The following TFCP2L1 variants were observed in gnomAD, a reference collection of about 807,000 sequenced individuals.
The protein encoded by TFCP2L1 is transcription factor CP2 like 1, also known as transcription factor CP2-like protein 1.
Under a neutral mutation model 72.2 loss-of-function variants are expected in TFCP2L1, and 12 were observed. The ratio of observed to expected loss-of-function variants is 0.17; its 90% CI spans 0.11 to 0.27. The LOEUF is 0.27. Ranked by LOEUF, TFCP2L1 falls within the 10% of genes least tolerant of loss-of-function variation. The pLI is 1.00. For synonymous variants in TFCP2L1, 260 were observed against 251.0 expected (o/e 1.04, Z -0.34); for missense variants, 488 against 624.6 (o/e 0.78, Z 2.33).
chr2:121,230,036 G>C (rs774975143), intron 13 of TFCP2L1, among the ~76,000 whole-genome samples: 4 of 152,172 alleles, frequency 2.6e-5, no homozygotes, highest in Non-Finnish European at 4.4e-5. Context: ...TCCAGGGTCA[G>C]GTGGGGCTCT....
chr2:121,225,006 C>A (rs908782074), intron 14 of TFCP2L1, among the ~76,000 whole-genome samples: 1 of 150,978 alleles, frequency 6.6e-6, no homozygotes, highest in Admixed American at 6.6e-5. Flanking sequence ...AAAAGACACT[C>A]GGTGGCTAGA....
intron 10 of TFCP2L1, 138 bp from the exon 11 acceptor site, chr2:121,235,449 G>A: frequency 2.5e-6 from 2 of 786,044 alleles, no homozygotes; most frequent in Non-Finnish European, 4.2e-6. Flanking sequence ...GAGAGAAAAT[G>A]GCAAAATGCT....
chr2:121,282,633 G>A (rs1225501943), intron 1 of TFCP2L1, among the ~76,000 whole-genome samples: 1 of 152,152 alleles, frequency 6.6e-6, no homozygotes, highest in Non-Finnish European at 1.5e-5. Context: ...GGCAAGGCTT[G>A]TGTAAGGTCT....
intron 2 of TFCP2L1, among the ~76,000 whole-genome samples, chr2:121,258,437 A>G (rs533420808): frequency 1.3e-5 from 2 of 152,234 alleles, no homozygotes; most frequent in Non-Finnish European, 2.9e-5. Flanking sequence ...GGAAATGAAC[A>G]AAATGGTCAG....
At chr2:121,284,729 G>T (rs963258916) in intron 1 of TFCP2L1, among the ~76,000 whole-genome samples, 3 of 152,186 alleles carry the variant, frequency 2.0e-5, no homozygotes, top group African/African-American at 7.2e-5. Flanking sequence ...GGGCCGCAGG[G>T]GGCGGACGGG....
At chr2:121,272,448 G>A (rs572532129) in intron 2 of TFCP2L1, among the ~76,000 whole-genome samples, 31 of 152,272 alleles carry the variant, frequency 2.0e-4, no homozygotes, top group Admixed American at 3.9e-4. Flanking sequence ...ACCTTGCATA[G>A]GAAATTCTCC....
At chr2:121,225,769 C>T (rs1686017513) in intron 13 of TFCP2L1, among the ~76,000 whole-genome samples, 156 bp from the exon 14 acceptor site, 1 of 151,944 alleles carries the variant, frequency 6.6e-6, no homozygotes, top group African/African-American at 2.4e-5. Context: ...ACACCACTGC[C>T]ACGGTGCCCA....
At position 121,269,907 on chromosome 2, in the gene TFCP2L1, T is replaced by TCAAAAAAAAA. The variant is rs750107740; in HGVS notation, c.214+11212_214+11213insTTTTTTTTTG. Among the ~76,000 whole-genome samples the TCAAAAAAAAA allele has an allele frequency of 2.3e-3, 182 of 77,468 alleles. 11 individuals are homozygous for TCAAAAAAAAA. The highest frequency in any genetic ancestry group is 0.012 in the African/African-American group (172 of 14,770). The allele number at this position is 77,468 out of a possible 152,430, so 50.8% of individuals were successfully genotyped here. A position where few individuals can be genotyped will look rare whatever the true frequency, so the allele number is the denominator to read the frequency against. ...CTGGGTGACAGAGCAAGACTCCATC[T>TCAAAAAAAAA]AAAAAAAAAAAATATATATATATAT... is the stretch of plus-strand genomic sequence containing the variant. On this transcript the variant is annotated intron_variant, in intron 2 of 14. Transcript: ENST00000263707.
At chr2:121,255,500 C>T (rs1344941648) in intron 2 of TFCP2L1, among the ~76,000 whole-genome samples, 1 of 152,212 alleles carries the variant, frequency 6.6e-6, no homozygotes, top group Non-Finnish European at 1.5e-5. Flanking sequence ...ACTTAGTCCA[C>T]TCGATAATCC....
chr2:121,237,737 C>T (rs779057550), intron 9 of TFCP2L1, 21 bp from the exon 10 acceptor site: 2 of 1,613,964 alleles, frequency 1.2e-6, no homozygotes, highest in East Asian at 2.2e-5. Context: ...AGGGGAGAGG[C>T]CTTGAGATGG....
At chr2:121,233,762 A>C (rs1185007699) in intron 12 of TFCP2L1, among the ~76,000 whole-genome samples, 6 of 152,242 alleles carry the variant, frequency 3.9e-5, no homozygotes, top group Non-Finnish European at 8.8e-5. Context: ...CATCAGGAGC[A>C]GTTTGAGGAA....
chr2:121,256,270 T>C (rs1427336847), intron 2 of TFCP2L1, among the ~76,000 whole-genome samples: 1 of 151,726 alleles, frequency 6.6e-6, no homozygotes, highest in African/African-American at 2.4e-5. Flanking sequence ...ACTCTGAACA[T>C]ACTGTAAAGT....
chr2:121,237,529 G>A (rs1573364380), intron 10 of TFCP2L1, 94 bp downstream of exon 10: 28 of 1,394,164 alleles, frequency 2.0e-5, no homozygotes, highest in East Asian at 1.6e-4. Context: ...AAACGACAGC[G>A]CTGCCAGTGT....
intron 2 of TFCP2L1, among the ~76,000 whole-genome samples, chr2:121,264,511 G>A (rs926583187): frequency 6.6e-6 from 1 of 152,156 alleles, no homozygotes; most frequent in Non-Finnish European, 1.5e-5. Context: ...GTCCCCTCCT[G>A]GGAGTGCAGA....
chr2:121,246,101 G>A (rs1390991453), intron 6 of TFCP2L1, among the ~76,000 whole-genome samples: 1 of 152,186 alleles, frequency 6.6e-6, no homozygotes, highest in Non-Finnish European at 1.5e-5. Context: ...AGGGCCTACA[G>A]GGGCTGGGGA....
chr2:121,273,546 A>G (rs1687087794), intron 2 of TFCP2L1, among the ~76,000 whole-genome samples: 1 of 152,232 alleles, frequency 6.6e-6, no homozygotes, highest in Non-Finnish European at 1.5e-5. Context: ...GCTTGGTGAT[A>G]GGACATCCCT....
intron 1 of TFCP2L1, among the ~76,000 whole-genome samples, chr2:121,282,765 T>C (rs1687290086): frequency 6.6e-6 from 1 of 152,190 alleles, no homozygotes; most frequent in Non-Finnish European, 1.5e-5. Flanking sequence ...CTTGTCTGTA[T>C]AAACAGAGTC....
chr2:121,250,966 G>A (rs1434174411), intron 2 of TFCP2L1, among the ~76,000 whole-genome samples: 3 of 150,632 alleles, frequency 2.0e-5, no homozygotes, highest in African/African-American at 4.9e-5. Context: ...AGACTCTTAA[G>A]AAGTTACAAA....
intron 13 of TFCP2L1, among the ~76,000 whole-genome samples, chr2:121,229,715 T>C (rs948849724): frequency 6.6e-6 from 1 of 152,218 alleles, no homozygotes; most frequent in African/African-American, 2.4e-5. Context: ...TCCCACCTTA[T>C]CTGTACTACA....
Sources: allele counts gnomAD v4.1 joint callset (sites outside exome capture counted in the v4.1 genomes callset), GRCh38; gene constraint gnomAD v4.1.1; transcripts MANE v1.5; gene names NCBI Gene and HGNC (gene_info 2026-07-23, HGNC 2026-07-21).